GULP1: variants seen among roughly 807,000 people sequenced by gnomAD.
GULP1 encodes the protein GULP PTB domain containing engulfment adaptor 1, also known as PTB domain-containing engulfment adapter protein 1.
In GULP1, 19 loss-of-function variants were observed where a neutral mutation model predicts 40.9. That is an observed-to-expected ratio of 0.46 (90% CI 0.32 to 0.68). The LOEUF (loss-of-function observed/expected upper bound fraction) is 0.68, where lower values mean the gene tolerates loss of function less well. Among genes scored for constraint, GULP1 ranks in the 30% least tolerant of loss-of-function variants. The pLI is 0.03. For synonymous variants in GULP1, 119 were observed against 117.6 expected, an observed-to-expected ratio of 1.01 and a Z score of -0.08; for missense variants, 312 against 362.2, an observed-to-expected ratio of 0.86 and a Z score of 1.12.
chr2:188,444,178 C>A (rs1168052263), intron 2 of GULP1, among the ~76,000 whole-genome samples: 2 of 152,052 alleles, frequency 1.3e-5, no homozygotes, highest in Admixed American at 1.3e-4. Flanking sequence ...ACAAAATTTT[C>A]TTTAAATAGG....
At chr2:188,451,803 C>G (rs12473872) in intron 2 of GULP1, among the ~76,000 whole-genome samples, 74,291 of 151,810 alleles carry the variant, frequency 0.49, 18,656 homozygotes, top group East Asian at 0.68. Flanking sequence ...TTAAATTGCA[C>G]TAATGTAATT....
chr2:188,326,201 T>A (rs900039259), intron 1 of GULP1, among the ~76,000 whole-genome samples: 1 of 152,128 alleles, frequency 6.6e-6, no homozygotes, highest in African/African-American at 2.4e-5. Context: ...TTTTACATTA[T>A]GCATATTAAG....
intron 9 of GULP1, among the ~76,000 whole-genome samples, chr2:188,578,475 T>A (rs1247222629): frequency 1.3e-5 from 2 of 151,160 alleles, no homozygotes; most frequent in African/African-American, 2.4e-5. Context: ...CCATGACACA[T>A]ATATACCTAG....
At chr2:188,369,702 A>G (rs188799315) in intron 1 of GULP1, among the ~76,000 whole-genome samples, 1 of 152,156 alleles carries the variant, frequency 6.6e-6, no homozygotes, top group Non-Finnish European at 1.5e-5. Flanking sequence ...ATTATTCATG[A>G]ACTCTACTGC....
At chr2:188,323,666 GTGTGTGTGTGTGTGTGTGTGTGTA>G (rs1293413610) in intron 1 of GULP1, among the ~76,000 whole-genome samples, 9 of 109,386 alleles carry the variant, frequency 8.2e-5, no homozygotes, top group African/African-American at 2.1e-4. Context: ...GTGTGTGTGT[GTGTGTGTGTGTGTGTGTGTGTGTA>G]TGTGTGTACA....
At chr2:188,486,693 T>C (rs1178315954) in intron 4 of GULP1, among the ~76,000 whole-genome samples, 2 of 151,984 alleles carry the variant, frequency 1.3e-5, no homozygotes, top group Non-Finnish European at 1.5e-5. Context: ...TTTGTCGATA[T>C]AAAATAATAA....
At chr2:188,538,696 T>A (rs536951532) in intron 6 of GULP1, among the ~76,000 whole-genome samples, 13 of 132,326 alleles carry the variant, frequency 9.8e-5, no homozygotes, top group Admixed American at 3.0e-4. Context: ...TGTGTGTGAG[T>A]GTGTGTGTGT....
At chr2:188,569,211 T>C in intron 7 of GULP1, 28 bp from the exon 8 acceptor site, 1 of 1,099,948 alleles carries the variant, frequency 9.1e-7, no homozygotes, top group Non-Finnish European at 1.4e-6. Flanking sequence ...ATTATTAAAA[T>C]GCAAATCTTT....
intron 1 of GULP1, among the ~76,000 whole-genome samples, chr2:188,313,491 G>A (rs2038534685): frequency 6.6e-6 from 1 of 152,152 alleles, no homozygotes; most frequent in South Asian, 2.1e-4. Context: ...TTTGATACTA[G>A]TACCATGCTG....
At chr2:188,347,014 T>G (rs1264541831) in intron 1 of GULP1, among the ~76,000 whole-genome samples, 1 of 152,054 alleles carries the variant, frequency 6.6e-6, no homozygotes, top group African/African-American at 2.4e-5. Flanking sequence ...TGCATTGTTC[T>G]TTACAGCTGA....
chr2:188,509,890 C>G (rs1020949530), intron 4 of GULP1, among the ~76,000 whole-genome samples: 1 of 152,040 alleles, frequency 6.6e-6, no homozygotes, highest in Non-Finnish European at 1.5e-5. Context: ...GGCAGCAGGT[C>G]AGAGGTTTGG....
chr2:188,436,173 C>A (rs2057385873), intron 2 of GULP1, among the ~76,000 whole-genome samples: 1 of 152,030 alleles, frequency 6.6e-6, no homozygotes, highest in South Asian at 2.1e-4. Flanking sequence ...ATTTTAAAAT[C>A]CAACCATCAC....
intron 1 of GULP1, among the ~76,000 whole-genome samples, chr2:188,308,958 G>C (rs1185406090): frequency 2.0e-5 from 3 of 152,026 alleles, no homozygotes; most frequent in African/African-American, 7.3e-5. Flanking sequence ...ATTAGAGTTC[G>C]TGTGTCTCTG....
intron 7 of GULP1, among the ~76,000 whole-genome samples, chr2:188,548,965 A>G (rs1692712659): frequency 6.6e-6 from 1 of 151,902 alleles, no homozygotes; most frequent in Non-Finnish European, 1.5e-5. Flanking sequence ...CTGAAAATTC[A>G]TCATGGACTT....
chr2:188,323,886 T>G (rs1316046138), intron 1 of GULP1, among the ~76,000 whole-genome samples: 2 of 151,956 alleles, frequency 1.3e-5, no homozygotes, highest in African/African-American at 4.8e-5. Context: ...TTTTGCTCTC[T>G]CCTCTATGAT....
chr2:188,460,524 G>A (rs893827055), intron 2 of GULP1, among the ~76,000 whole-genome samples: 1 of 151,546 alleles, frequency 6.6e-6, no homozygotes, highest in African/African-American at 2.4e-5. Context: ...TTGTTTATGA[G>A]TTCTAATAGT....
intron 2 of GULP1, among the ~76,000 whole-genome samples, chr2:188,405,879 A>G (rs1444125712): frequency 6.6e-6 from 1 of 152,234 alleles, no homozygotes; most frequent in Non-Finnish European, 1.5e-5. Flanking sequence ...GCAGACATCA[A>G]CTCATGCCAC....
At chr2:188,490,214 T>C (rs1199104584) in intron 4 of GULP1, among the ~76,000 whole-genome samples, 1 of 152,134 alleles carries the variant, frequency 6.6e-6, no homozygotes. Flanking sequence ...GATAAGGTCA[T>C]TCAAGACCCA....
At chr2:188,419,090 A>G (rs1486590259) in intron 2 of GULP1, among the ~76,000 whole-genome samples, 1 of 152,184 alleles carries the variant, frequency 6.6e-6, no homozygotes. Context: ...CGTATATGCC[A>G]CATTTTCTTT....
Sources: gnomAD v4.1 joint callset for allele counts (sites outside exome capture counted in the v4.1 genomes callset) on GRCh38, gnomAD v4.1.1 for gene constraint, MANE v1.5 for transcripts, NCBI Gene and HGNC (gene_info 2026-07-23, HGNC 2026-07-21) for gene names.